LAMA5: variants seen among roughly 807,000 people sequenced by gnomAD.
LAMA5 encodes the protein laminin subunit alpha 5.
In LAMA5, 260 loss-of-function variants were observed where a neutral mutation model predicts 433.4. That is an observed-to-expected ratio of 0.60 (90% confidence interval 0.54 to 0.66). The LOEUF is 0.66. Ranked by LOEUF, LAMA5 falls within the 30% of genes least tolerant of loss-of-function variation. The pLI is 0.00. For synonymous variants in LAMA5, 2,620 were observed against 2,226.6 expected, an observed-to-expected ratio of 1.18 and a Z score of -4.97; for missense variants, 5,378 against 5,258.5, an observed-to-expected ratio of 1.02 and a Z score of -0.70.
chr20:62,340,003 AG>A (rs1729892259), intron 11 of LAMA5, among the ~76,000 whole-genome samples: 1 of 152,182 alleles, frequency 6.6e-6, no homozygotes, highest in African/African-American at 2.4e-5. Context: ...AGCTGTGTGC[AG>A]GGAGCTGGGG....
Position 62,319,330 on chromosome 20 carries a change from G to A in LAMA5, c.6872-317C>T, listed in dbSNP as rs1365439054. Among the ~76,000 whole-genome samples, 12 of 152,070 alleles carry A rather than the reference G, an allele frequency of 7.9e-5. No homozygotes were observed. In the East Asian group the frequency reaches 1.2e-3, roughly 15 times the overall value. ...TCTCTCTGACATGGCACCCCCTGCC[G>A]ACCCCCAGGCTGGGCTGGCAGGTCC... On this transcript the variant is annotated intron_variant, in intron 51 of 79. Coordinates refer to ENST00000252999, the MANE Select transcript of LAMA5 (RefSeq NM_005560.6).
intron 48 of LAMA5, among the ~76,000 whole-genome samples, chr20:62,321,702 GGCA>G (rs1987813930): frequency 8.7e-6 from 1 of 115,178 alleles, no homozygotes; most frequent in African/African-American, 3.2e-5. Flanking sequence ...CAGTGGGGGA[GGCA>G]GGGCCAGCAG....
chr20:62,319,111 G>C, intron 51 of LAMA5, 98 bp from the exon 52 acceptor site: 22 of 1,319,908 alleles, frequency 1.7e-5, no homozygotes, highest in Non-Finnish European at 2.2e-5. Flanking sequence ...GCCATCCTTG[G>C]CAGGCCAGGG....
intron 41 of LAMA5, 79 bp downstream of exon 41, chr20:62,325,237 A>G: frequency 1.1e-6 from 1 of 915,214 alleles, no homozygotes; most frequent in Non-Finnish European, 1.6e-6. Context: ...GCAGCAAGGA[A>G]GGGAACACAG....
chr20:62,343,743 T>G, intron 11 of LAMA5, among the ~76,000 whole-genome samples: 1 of 111,542 alleles, frequency 9.0e-6, no homozygotes, highest in Non-Finnish European at 1.7e-5. Context: ...AGCATTGCAC[T>G]CCAGCCTGGG....
Position 62,333,204 on chromosome 20 carries a change from G to C in LAMA5, c.3168C>G (p.Pro1056=). ...LYTHLPLDGF[P]SAAGLEALCR... ...ACAGGGCCTCCAGCCCGGCGGCCGA[G>C]GGGAAGCCATCCAGGGGGAGGTGTG... Residue 1056 remains proline, a synonymous_variant, in exon 26 of 80, where the codon CCC becomes CCG. Transcript: ENST00000252999. 1.3e-6 allele frequency: 2 copies of C among 1,523,200 alleles called. No individual in the cohort carries two copies. The highest frequency in any genetic ancestry group is 1.8e-6 in the Non-Finnish European group (2 of 1,135,192). 94.4% of individuals were successfully genotyped at this position (1,523,200 alleles called of 1,614,324 possible). A position where few individuals can be genotyped will look rare whatever the true frequency, so the allele number is the denominator to read the frequency against.
intron 11 of LAMA5, chr20:62,342,421 T>C: frequency 4.2e-6 from 1 of 239,430 alleles, no homozygotes; most frequent in Non-Finnish European, 8.6e-6. Context: ...CTCACACCTG[T>C]AATCCCAGCA....
rs778459619 is a variant in LAMA5 at position 62,313,324 on chromosome 20, C to T, written c.8792+3G>A. 4.2e-5 allele frequency: 65 copies of T among 1,552,156 alleles called. No individual in the cohort carries two copies. Among genetic ancestry groups the T allele is most frequent in the Non-Finnish European group, 5.4e-5 (62 of 1,148,338 alleles). On this transcript the variant is annotated splice_donor_region_variant and intron_variant, in intron 64 of 79. Coordinates refer to ENST00000252999, the MANE Select transcript of LAMA5 (RefSeq NM_005560.6). ...GGAGACGGGGAGGGCAGGCCACACG[C>T]ACCGGGCACAAGGCCTGTCCACAGC...
intron 11 of LAMA5, among the ~76,000 whole-genome samples, chr20:62,343,346 G>A (rs1433153535): frequency 6.6e-6 from 1 of 152,070 alleles, no homozygotes; most frequent in South Asian, 2.1e-4. Flanking sequence ...ATCTACATCC[G>A]ACTCAGCCAG....
At chr20:62,337,118 C>T (rs1273181265) in intron 16 of LAMA5, 11 of 581,412 alleles carry the variant, frequency 1.9e-5, no homozygotes, top group South Asian at 6.4e-5. Context: ...TGCACTAACA[C>T]ACCCACACGC....
intron 11 of LAMA5, chr20:62,345,323 T>TCA (rs1330594382): frequency 3.7e-5 from 5 of 133,360 alleles, no homozygotes; most frequent in African/African-American, 1.3e-4. Flanking sequence ...TTTTTTTTTT[T>TCA]TTCTATTTTT....
chr20:62,334,671 T>C lies in LAMA5; in HGVS notation c.2483-50A>G, dbSNP rs1351136636. On this transcript the variant is annotated intron_variant, in intron 20 of 79. Transcript: ENST00000252999. ...GAGGCTGCCTGGCCCCCACCCAGCCTCAGGGGCCCCTCACAGCCAGACTGA... is the reference window on the plus strand; with the variant it reads ...GAGGCTGCCTGGCCCCCACCCAGCCCCAGGGGCCCCTCACAGCCAGACTGA... 2.0e-6 allele frequency: 3 copies of C among 1,473,646 alleles called. No individual in the cohort carries two copies. In the East Asian group the frequency reaches 7.4e-5, roughly 36 times the overall value. 91.3% of individuals were successfully genotyped at this position (1,473,646 alleles called of 1,614,324 possible).
chr20:62,313,311 G>A lies in LAMA5; in HGVS notation c.8792+16C>T, dbSNP rs375974456. The A allele has an allele frequency of 6.5e-5, 101 of 1,545,076 alleles. No individual in the cohort carries two copies. In the African/African-American group the frequency reaches 1.0e-3, roughly 16 times the overall value. ...GGGTGGGGTGGGTGGAGACGGGGAG[G>A]GCAGGCCACACGCACCGGGCACAAG... On this transcript the variant is annotated intron_variant, in intron 64 of 79. Transcript: ENST00000252999.
intron 2 of LAMA5, among the ~76,000 whole-genome samples, chr20:62,354,496 C>T (rs1487315194): frequency 6.6e-6 from 1 of 152,144 alleles, no homozygotes; most frequent in Non-Finnish European, 1.5e-5. Flanking sequence ...GGTGCACACA[C>T]ACCCGCCCAA....
Position 62,323,788 on chromosome 20 carries a change from G to A in LAMA5, c.5837C>T (p.Ala1946Val). The change falls in exon 44 of 80, where the codon GCC (alanine) becomes GTC (valine). Residue 1946 changes from alanine (A) to valine (V), a missense_variant. Transcript: ENST00000252999. ...AGCCCCAGCTCACCGCTCGCAGGAG[G>A]CACCTGCATAACCAGGTTTGCAGAG... ...QCLCKPGYAGASCERCAPGFF... is the reference protein window; with the variant it reads ...QCLCKPGYAGVSCERCAPGFF... 6.2e-7 allele frequency: 1 copy of A among 1,610,186 alleles called. No individual in the cohort carries two copies. The highest frequency in any genetic ancestry group is 8.5e-7 in the Non-Finnish European group (1 of 1,178,604).
intron 2 of LAMA5, among the ~76,000 whole-genome samples, chr20:62,358,772 C>T (rs531473982): frequency 3.3e-5 from 5 of 152,282 alleles, no homozygotes; most frequent in East Asian, 1.9e-4. Context: ...ATAACCCCAC[C>T]TCAGTTTCCC....
chr20:62,311,443 G>C lies in LAMA5; in HGVS notation c.9900C>G (p.Thr3300=). ...TGCAPALQAQ[T]PGLGPRGLQA... is the part of the protein sequence containing the mutation. ...GCAGTCCTCTAGGCCCCAGGCCCGG[G>C]GTCTGGGCTTGCAGGGCGGGTGCAC... Residue 3300 remains threonine (T), a synonymous_variant, in exon 72 of 80, where the codon ACC becomes ACG. Coordinates refer to ENST00000252999, the MANE Select transcript of LAMA5 (RefSeq NM_005560.6). 3 of 1,601,130 alleles carry C rather than the reference G, an allele frequency of 1.9e-6. No homozygotes were observed. The highest frequency in any genetic ancestry group is 2.6e-6 in the Non-Finnish European group (3 of 1,174,292).
chr20:62,343,381 G>A (rs1487189808), intron 11 of LAMA5, among the ~76,000 whole-genome samples: 2 of 152,156 alleles, frequency 1.3e-5, no homozygotes, highest in Admixed American at 1.3e-4. Flanking sequence ...AACGTGGGCA[G>A]ATTCACCTCA....
At position 62,337,948 on chromosome 20, in the gene LAMA5, G is replaced by A. The variant is rs1224858545; in HGVS notation, c.1892-10C>T. On this transcript the variant is annotated splice_polypyrimidine_tract_variant and intron_variant, in intron 14 of 79. Transcript: ENST00000252999. ...GGGTCGCAGGTGCATGCTGCAGAGG[G>A]ACAATGGGGTCAGGCCCTGGCGCCA... is the stretch of plus-strand genomic sequence containing the variant. 3.7e-6 allele frequency: 6 copies of A among 1,606,458 alleles called. No individual in the cohort carries two copies. The highest frequency in any genetic ancestry group is 1.3e-5 in the African/African-American group (1 of 74,762).
Sources: gnomAD v4.1 joint callset for allele counts (sites outside exome capture counted in the v4.1 genomes callset) on GRCh38, gnomAD v4.1.1 for gene constraint, MANE v1.5 for transcripts, NCBI Gene and HGNC (gene_info 2026-07-23, HGNC 2026-07-21) for gene names.